RCAN2: variants seen among roughly 807,000 people sequenced by gnomAD.
The protein encoded by RCAN2 is calcipressin-2.
Under a neutral mutation model 23.6 loss-of-function variants are expected in RCAN2, and 9 were observed. That is an observed-to-expected ratio of 0.38 (90% CI 0.23 to 0.67). RCAN2 has a LOEUF of 0.67. Ranked by LOEUF, RCAN2 falls within the 30% of genes least tolerant of loss-of-function variation. The probability of loss-of-function intolerance (pLI) is 0.51; values close to 1 mark genes in which losing one functional copy is unlikely to be tolerated. For synonymous variants in RCAN2, 109 were observed against 115.7 expected (o/e 0.94, Z 0.37); for missense variants, 273 against 302.3 (o/e 0.90, Z 0.72).
intron 2 of RCAN2, among the ~76,000 whole-genome samples, chr6:46,326,995 G>A (rs867608627): frequency 7.9e-5 from 12 of 152,114 alleles, no homozygotes; most frequent in South Asian, 2.1e-4. Flanking sequence ...CATTTATTTC[G>A]CTGTCCAGGA....
intron 1 of RCAN2, among the ~76,000 whole-genome samples, chr6:46,484,117 T>C (rs1768933605): frequency 6.6e-6 from 1 of 152,226 alleles, no homozygotes; most frequent in South Asian, 2.1e-4. Flanking sequence ...AAATAATCAA[T>C]TAAATTAATC....
intron 2 of RCAN2, among the ~76,000 whole-genome samples, chr6:46,275,054 C>A (rs772507356): frequency 3.3e-5 from 5 of 152,160 alleles, no homozygotes; most frequent in Non-Finnish European, 7.3e-5. Flanking sequence ...TCTTAACAAC[C>A]ATATCTCAAC....
chr6:46,300,905 A>C (rs1358667690), intron 2 of RCAN2, among the ~76,000 whole-genome samples: 1 of 151,996 alleles, frequency 6.6e-6, no homozygotes, highest in African/African-American at 2.4e-5. Context: ...CCCAAAACAA[A>C]ACAAAAGAGA....
intron 2 of RCAN2, among the ~76,000 whole-genome samples, chr6:46,273,431 T>C (rs538313064): frequency 1.3e-5 from 2 of 152,224 alleles, no homozygotes; most frequent in Non-Finnish European, 2.9e-5. Context: ...ACCTTTGATA[T>C]TGATTATATC....
intron 2 of RCAN2, among the ~76,000 whole-genome samples, chr6:46,326,152 C>T (rs924808732): frequency 7.9e-5 from 12 of 152,056 alleles, no homozygotes; most frequent in East Asian, 3.9e-4. Context: ...AAGAGCTGGT[C>T]GTCTGTCATT....
chr6:46,336,032 T>C (rs578052368), intron 2 of RCAN2, among the ~76,000 whole-genome samples: 1 of 152,326 alleles, frequency 6.6e-6, no homozygotes, highest in South Asian at 2.1e-4. Flanking sequence ...CTTCAAAGTG[T>C]GAACTCTTAA....
chr6:46,410,002 G>A (rs1410255686), intron 2 of RCAN2, among the ~76,000 whole-genome samples: 2 of 152,066 alleles, frequency 1.3e-5, no homozygotes, highest in Non-Finnish European at 2.9e-5. Flanking sequence ...AAGGAAAGGT[G>A]ATTTTGTTTT....
intron 2 of RCAN2, among the ~76,000 whole-genome samples, chr6:46,441,957 G>A (rs1450777518): frequency 6.6e-6 from 1 of 152,126 alleles, no homozygotes; most frequent in Admixed American, 6.5e-5. Flanking sequence ...ATATCACACC[G>A]ATCTCATCCA....
At chr6:46,451,472 TCA>T (rs1426542791) in intron 2 of RCAN2, among the ~76,000 whole-genome samples, 4 of 152,188 alleles carry the variant, frequency 2.6e-5, no homozygotes, top group Non-Finnish European at 5.9e-5. Flanking sequence ...GAAAAAAGTC[TCA>T]GTTTTCAGAT....
chr6:46,425,126 C>T (rs1766998485), intron 2 of RCAN2, among the ~76,000 whole-genome samples: 1 of 152,224 alleles, frequency 6.6e-6, no homozygotes, highest in South Asian at 2.1e-4. Context: ...CAGGAGCGAT[C>T]TTATTCTAGA....
intron 2 of RCAN2, among the ~76,000 whole-genome samples, chr6:46,284,218 C>A (rs1762297188): frequency 6.6e-6 from 1 of 152,074 alleles, no homozygotes; most frequent in Non-Finnish European, 1.5e-5. Flanking sequence ...ACTCAAATAA[C>A]AATTTAGTTG....
At chr6:46,329,790 A>C (rs565556775) in intron 2 of RCAN2, among the ~76,000 whole-genome samples, 1 of 152,298 alleles carries the variant, frequency 6.6e-6, no homozygotes, top group East Asian at 1.9e-4. Flanking sequence ...GACCGATCAC[A>C]CTGAGGAAAG....
At chr6:46,445,720 G>A (rs1018234544) in intron 2 of RCAN2, among the ~76,000 whole-genome samples, 1 of 152,024 alleles carries the variant, frequency 6.6e-6, no homozygotes, top group Admixed American at 6.6e-5. Flanking sequence ...ACCAAAATAC[G>A]AGATGTTGAA....
chr6:46,286,881 C>T (rs549805738), intron 2 of RCAN2, among the ~76,000 whole-genome samples: 11 of 151,838 alleles, frequency 7.2e-5, no homozygotes, highest in South Asian at 6.3e-4. Flanking sequence ...GGCACACGCC[C>T]GTAATCCCAG....
intron 2 of RCAN2, among the ~76,000 whole-genome samples, chr6:46,302,914 A>G (rs146100009): frequency 1.1e-3 from 161 of 152,182 alleles, no homozygotes; most frequent in African/African-American, 3.8e-3. Flanking sequence ...GGTCACATAG[A>G]CAGTAAGTAT....
intron 2 of RCAN2, among the ~76,000 whole-genome samples, chr6:46,410,923 G>T (rs1425969281): frequency 6.6e-6 from 1 of 152,182 alleles, no homozygotes; most frequent in Non-Finnish European, 1.5e-5. Flanking sequence ...CAGCATGGTG[G>T]GCAGCAGGGA....
At chr6:46,335,681 T>G (rs894537225) in intron 2 of RCAN2, among the ~76,000 whole-genome samples, 5 of 152,212 alleles carry the variant, frequency 3.3e-5, no homozygotes, top group Non-Finnish European at 7.3e-5. Context: ...AGGGATCTTT[T>G]TATCTCCACT....
At chr6:46,353,608 G>A (rs1157339070) in intron 2 of RCAN2, among the ~76,000 whole-genome samples, 1 of 152,168 alleles carries the variant, frequency 6.6e-6, no homozygotes, top group Non-Finnish European at 1.5e-5. Flanking sequence ...ATTTAACCTT[G>A]CAGTTAATAC....
intron 2 of RCAN2, among the ~76,000 whole-genome samples, chr6:46,407,565 T>C (rs1766438133): frequency 6.6e-6 from 1 of 152,240 alleles, no homozygotes; most frequent in Non-Finnish European, 1.5e-5. Context: ...GAGCTCGTCT[T>C]GCTATGGGCA....
Sources: gnomAD v4.1 joint callset for allele counts (sites outside exome capture counted in the v4.1 genomes callset) on GRCh38, gnomAD v4.1.1 for gene constraint, MANE v1.5 for transcripts, NCBI Gene and HGNC (gene_info 2026-07-23, HGNC 2026-07-21) for gene names.